Variants in NMT2 observed in about 807,000 individuals in gnomAD.
NMT2 encodes N-myristoyltransferase 2.
A neutral mutation model predicts 65.4 loss-of-function variants in NMT2; 35 were observed. That is an observed-to-expected ratio of 0.54 (90% confidence interval 0.41 to 0.71). The LOEUF (loss-of-function observed/expected upper bound fraction) is 0.71. NMT2 is among the 30% of genes least tolerant of loss of function. The pLI is 0.00. For missense variants in NMT2, 489 were observed against 611.3 expected, an observed-to-expected ratio of 0.80 and a Z score of 2.11; for synonymous variants, 226 against 231.8, an observed-to-expected ratio of 0.98 and a Z score of 0.23.
intron 9 of NMT2, among the ~76,000 whole-genome samples, chr10:15,116,609 A>G (rs1291811951): frequency 6.6e-6 from 1 of 152,192 alleles, no homozygotes; most frequent in African/African-American, 2.4e-5. Context: ...GGAAGACAAC[A>G]GGGAATATCC....
chr10:15,110,007 C>T (rs545685603), intron 10 of NMT2, among the ~76,000 whole-genome samples, 168 bp from the exon 11 acceptor site: 10 of 152,342 alleles, frequency 6.6e-5, no homozygotes, highest in East Asian at 1.9e-4. Context: ...TGCTGTGGCT[C>T]ATGCCTATAA....
chr10:15,124,558 A>G lies in NMT2; in HGVS notation c.999+3792T>C, dbSNP rs539899279. On this transcript the variant is annotated intron_variant, in intron 8 of 11. Coordinates refer to ENST00000378165, the MANE Select transcript of NMT2 (RefSeq NM_004808.3). ...AAGACAGAAAGCTGGCACTCCTACA[A>G]GCAAAAAGAGTAACAATGAAGCAGA... 3.3e-5 allele frequency among the ~76,000 whole-genome samples: 5 copies of G among 152,392 alleles called. No individual in the cohort carries two copies. The East Asian group carries it at 9.6e-4, about 29-fold the overall frequency.
chr10:15,138,535 TTC>T, intron 2 of NMT2: 1 of 462,834 alleles, frequency 2.2e-6, no homozygotes. Flanking sequence ...GGCAGGTATA[TTC>T]TCTTTTTCTT....
At chr10:15,126,957 G>A (rs12241376) in intron 8 of NMT2, among the ~76,000 whole-genome samples, 11,176 of 152,266 alleles carry the variant, frequency 0.073, 1,350 homozygotes, top group African/African-American at 0.25. Context: ...ACTTGGCTGG[G>A]CGTGGTGGCT....
At chr10:15,162,690 G>C (rs1005564649) in intron 1 of NMT2, among the ~76,000 whole-genome samples, 1 of 151,424 alleles carries the variant, frequency 6.6e-6, no homozygotes, top group African/African-American at 2.4e-5. Flanking sequence ...AGTGGTGACA[G>C]CTCTGGGAAA....
At chr10:15,129,920 A>AG (rs1421203160) in intron 7 of NMT2, among the ~76,000 whole-genome samples, 1 of 151,684 alleles carries the variant, frequency 6.6e-6, no homozygotes, top group Non-Finnish European at 1.5e-5. Context: ...AAAAAAAAAA[A>AG]AAAAAAAAAG....
intron 3 of NMT2, among the ~76,000 whole-genome samples, chr10:15,134,154 A>G (rs1315388279): frequency 6.6e-6 from 1 of 152,118 alleles, no homozygotes; most frequent in African/African-American, 2.4e-5. Flanking sequence ...ACTTCTCCCC[A>G]TCTAAACTGC....
chr10:15,160,713 G>A (rs2131630542), intron 1 of NMT2, among the ~76,000 whole-genome samples: 1 of 152,138 alleles, frequency 6.6e-6, no homozygotes, highest in South Asian at 2.1e-4. Context: ...GGTGGACGTT[G>A]CAGTGAGCAA....
rs74125548 is a variant in NMT2 at position 15,159,925 on chromosome 10, G to A, written c.110+8578C>T. On this transcript the variant is annotated intron_variant, in intron 1 of 11. Transcript: ENST00000378165. ...TGAGAGCAACTGGGAAAGATGTCAC[G>A]GGAAAGATACACTCACTAAGAGCTA... is the stretch of plus-strand genomic sequence containing the variant. 6.7e-3 allele frequency among the ~76,000 whole-genome samples: 1,023 copies of A among 152,260 alleles called. 13 individuals carry two copies. The highest frequency in any genetic ancestry group is 0.024 in the African/African-American group (979 of 41,558).
At chr10:15,166,976 G>A (rs897163195) in intron 1 of NMT2, among the ~76,000 whole-genome samples, 1 of 152,162 alleles carries the variant, frequency 6.6e-6, no homozygotes, top group African/African-American at 2.4e-5. Context: ...CAGCAGAGAA[G>A]ATAAAAGTCC....
chr10:15,127,569 AATAAATAAATAAAT>A (rs1846130266), intron 8 of NMT2, among the ~76,000 whole-genome samples: 4 of 75,090 alleles, frequency 5.3e-5, no homozygotes, highest in African/African-American at 4.4e-4. Context: ...AAAAAAAAAA[AATAAATAAATAAAT>A]AAATAAATAA....
intron 1 of NMT2, among the ~76,000 whole-genome samples, chr10:15,148,099 T>C (rs1439041861): frequency 1.3e-5 from 2 of 152,194 alleles, no homozygotes; most frequent in Non-Finnish European, 2.9e-5. Context: ...TAAGTAGAGT[T>C]TGACTACCTG....
chr10:15,163,808 T>C (rs1185361418), intron 1 of NMT2, among the ~76,000 whole-genome samples: 1 of 152,214 alleles, frequency 6.6e-6, no homozygotes, highest in Non-Finnish European at 1.5e-5. Context: ...ACAGATTATG[T>C]TCTTTGTTAA....
At chr10:15,121,154 T>G (rs74532960) in intron 8 of NMT2, among the ~76,000 whole-genome samples, 2 of 151,870 alleles carry the variant, frequency 1.3e-5, no homozygotes, top group African/African-American at 4.8e-5. Context: ...ACCTGATTTT[T>G]CCCCCCCTTG....
intron 8 of NMT2, among the ~76,000 whole-genome samples, chr10:15,120,027 A>C (rs1252566885): frequency 3.3e-5 from 5 of 152,212 alleles, no homozygotes; most frequent in Non-Finnish European, 7.3e-5. Flanking sequence ...TCGGGGAAAA[A>C]AAACTGGATC....
At chr10:15,133,420 A>C (rs1423399977) in intron 3 of NMT2, 57 bp from the exon 4 acceptor site, 1 of 1,336,310 alleles carries the variant, frequency 7.5e-7, no homozygotes, top group African/African-American at 1.4e-5. Flanking sequence ...ATTAAATGAC[A>C]AAGTATTCTA....
chr10:15,149,058 C>T (rs1460022164), intron 1 of NMT2, among the ~76,000 whole-genome samples: 4 of 152,026 alleles, frequency 2.6e-5, no homozygotes, highest in South Asian at 2.1e-4. Flanking sequence ...CCACCACCAC[C>T]GCCACCACCA....
intron 1 of NMT2, among the ~76,000 whole-genome samples, chr10:15,148,747 AGT>A (rs1232505064): frequency 6.6e-6 from 1 of 152,204 alleles, no homozygotes; most frequent in Admixed American, 6.5e-5. Context: ...CACCGAAAAT[AGT>A]GTCTGACATA....
chr10:15,128,319 C>G, intron 8 of NMT2, 31 bp downstream of exon 8: 4 of 1,268,980 alleles, frequency 3.2e-6, no homozygotes, highest in Non-Finnish European at 3.5e-6. Flanking sequence ...GTTGTTACAG[C>G]TTCAAAAAAC....
Sources: allele counts gnomAD v4.1 joint callset (sites outside exome capture counted in the v4.1 genomes callset), GRCh38; gene constraint gnomAD v4.1.1; transcripts MANE v1.5; gene names NCBI Gene and HGNC (gene_info 2026-07-23, HGNC 2026-07-21).